The following TRAPPC11 variants were observed in gnomAD, a reference collection of about 807,000 sequenced individuals.
TRAPPC11 encodes the protein trafficking protein particle complex subunit 11, also known as foie gras homolog.
In TRAPPC11, 104 loss-of-function variants were observed where a neutral mutation model predicts 151.2. That is an observed-to-expected ratio of 0.69 (90% CI 0.59 to 0.81). TRAPPC11 has a LOEUF of 0.81. Ranked by LOEUF, TRAPPC11 falls within the 30% of genes least tolerant of loss-of-function variation. The pLI is 0.00. For synonymous variants in TRAPPC11, 456 were observed against 472.3 expected (o/e 0.97, Z 0.45); for missense variants, 1,230 against 1,349.6 (o/e 0.91, Z 1.39).
chr4:183,665,062 G>GC (rs1454469696), intron 2 of TRAPPC11, among the ~76,000 whole-genome samples: 3 of 150,488 alleles, frequency 2.0e-5, no homozygotes, highest in African/African-American at 7.3e-5. Context: ...CCCAGCCCTG[G>GC]CCCTCACACG....
rs575914736 is a variant in TRAPPC11 at position 183,665,125 on chromosome 4, C to T, written c.204+1054C>T. On this transcript the variant is annotated intron_variant, in intron 2 of 29. Coordinates refer to ENST00000334690, the MANE Select transcript of TRAPPC11 (RefSeq NM_021942.6). ...TTTTTTTTTTTTTGAGACGGAGTCT[C>T]GCTCTGTCCCCGAGGCTGGAGTGCT... Among the ~76,000 whole-genome samples the T allele has an allele frequency of 5.4e-4, 65 of 120,436 alleles. 2 individuals are homozygous for T. Among genetic ancestry groups the T allele is most frequent in the East Asian group, 2.7e-3 (11 of 4,046 alleles). 79.0% of individuals were successfully genotyped at this position (120,436 alleles called of 152,430 possible).
rs897094929 is a variant in TRAPPC11, at chr4:183,674,780, C to G, written c.628C>G (p.His210Asp). 6.3e-7 allele frequency: 1 copy of G among 1,594,702 alleles called. No individual in the cohort carries two copies. The highest frequency in any genetic ancestry group is 8.5e-7 in the Non-Finnish European group (1 of 1,172,980). Residue 210 changes from histidine (H) to aspartate (D), a missense_variant, in exon 6 of 30, where the codon CAT (histidine) becomes GAT (aspartate). Transcript: ENST00000334690. ...CACTGAGATCAGAAGAGTGAAATCT[C>G]ATAAAGAATTTTTGAATAAAACAAC... ...YYTEIRRVKS[H>D]KEFLNKTTHQ... is the part of the protein sequence containing the mutation.
intron 5 of TRAPPC11, among the ~76,000 whole-genome samples, chr4:183,670,702 T>G (rs1247807118): frequency 6.6e-6 from 1 of 152,168 alleles, no homozygotes; most frequent in African/African-American, 2.4e-5. Flanking sequence ...GCCTCCCAAG[T>G]TCAATCGATT....
chr4:183,708,740 T>C (rs1408258756), intron 29 of TRAPPC11, among the ~76,000 whole-genome samples, 166 bp downstream of exon 29: 1 of 152,380 alleles, frequency 6.6e-6, no homozygotes, highest in South Asian at 2.1e-4. Context: ...AGTTACTTTT[T>C]ATAGAATCTA....
At chr4:183,681,454 G>A (rs1348993150) in intron 10 of TRAPPC11, among the ~76,000 whole-genome samples, 1 of 152,110 alleles carries the variant, frequency 6.6e-6, no homozygotes, top group Admixed American at 6.5e-5. Context: ...AGAATGTAAG[G>A]AACTGGGCAT....
intron 29 of TRAPPC11, 118 bp downstream of exon 29, chr4:183,708,692 T>C: frequency 1.1e-6 from 1 of 883,018 alleles, no homozygotes; most frequent in East Asian, 2.7e-5. Context: ...TTTTGCCTTT[T>C]ATTATATGTA....
At chr4:183,707,974 CA>C (rs2111104664) in intron 28 of TRAPPC11, among the ~76,000 whole-genome samples, 1 of 151,554 alleles carries the variant, frequency 6.6e-6, no homozygotes, top group Admixed American at 6.6e-5. Flanking sequence ...ATCCTTAAAA[CA>C]AAACAAACTA....
chr4:183,694,691 G>A lies in TRAPPC11; in HGVS notation c.2596G>A (p.Glu866Lys). 1 of 1,608,192 alleles carries A rather than the reference G, an allele frequency of 6.2e-7. No individual in the cohort carries two copies. The highest frequency in any genetic ancestry group is 1.3e-5 in the African/African-American group (1 of 74,584). The change falls in exon 23 of 30, where the codon GAA becomes AAA. Residue 866 changes from glutamate (E) to lysine (K), a missense_variant. Transcript: ENST00000334690. The stretch of plus-strand genomic sequence containing the variant: ...TTCTTACCTGATAAATACAACCGTT[G>A]AAGAAAAAGAAATTGTTTGCAAGTG... ...YVSYLINTTVEEKEIVCKCHK... is the reference protein window; with the variant it reads ...YVSYLINTTVKEKEIVCKCHK...
intron 5 of TRAPPC11, among the ~76,000 whole-genome samples, chr4:183,672,271 G>A (rs1735191797): frequency 6.6e-6 from 1 of 152,130 alleles, no homozygotes; most frequent in Admixed American, 6.5e-5. Flanking sequence ...TTTGGACAGA[G>A]GAATGTCATA....
In TRAPPC11 at chr4:183,683,842, C is replaced by T. The variant is rs147779880; in HGVS notation, c.1208-133C>T. On this transcript the variant is annotated intron_variant, in intron 11 of 29. Transcript: ENST00000334690. ...ATAAAGCTGCCTCTTAGCACCTTTA[C>T]GATTCTAGAATGTTGAAGAGTCTGA... is the stretch of plus-strand genomic sequence containing the variant. 65 of 740,460 alleles carry T rather than the reference C, an allele frequency of 8.8e-5. 1 individual carries two copies. The highest frequency in any genetic ancestry group is 8.3e-4 in the African/African-American group (47 of 56,348). The allele number at this position is 740,460 out of a possible 1,614,324, so 45.9% of individuals were successfully genotyped here. A position where few individuals can be genotyped will look rare whatever the true frequency, so the allele number is the denominator to read the frequency against.
At position 183,697,806 on chromosome 4, in the gene TRAPPC11, T is replaced by C. The variant is rs1736616496; in HGVS notation, c.2822T>C (p.Val941Ala). 2 of 1,613,902 alleles carry C rather than the reference T, an allele frequency of 1.2e-6. No individual in the cohort carries two copies. Among genetic ancestry groups the C allele is most frequent in the East Asian group, 2.2e-5 (1 of 44,880 alleles). The change falls in exon 25 of 30, where the codon GTG becomes GCG. Residue 941 changes from valine (V) to alanine (A), a missense_variant. Val to Ala is a moderately conservative substitution (Grantham distance 64, BLOSUM62 0). Coordinates refer to ENST00000334690, the MANE Select transcript of TRAPPC11 (RefSeq NM_021942.6). ...ELQLAPSMTT[V>A]DQLESQVDNV... is the part of the protein sequence containing the mutation. ...CAGCTTGCTCCATCCATGACCACAG[T>C]GGACCAGCTCGAGTCTCAAGTGGAC...
chr4:183,666,013 A>G (rs1249920991), intron 2 of TRAPPC11, among the ~76,000 whole-genome samples: 1 of 142,692 alleles, frequency 7.0e-6, no homozygotes, highest in Non-Finnish European at 1.5e-5. Context: ...GCATTCAGTT[A>G]TGGGGCTGAT....
chr4:183,704,902 C>T (rs1285482113), intron 26 of TRAPPC11, 77 bp from the exon 27 acceptor site: 12 of 860,032 alleles, frequency 1.4e-5, no homozygotes, highest in Non-Finnish European at 2.0e-5. Flanking sequence ...TACATGTTTC[C>T]TGTTTTTGAT....
intron 18 of TRAPPC11, among the ~76,000 whole-genome samples, chr4:183,688,489 G>A (rs1389662317): frequency 6.6e-6 from 1 of 152,154 alleles, no homozygotes; most frequent in African/African-American, 2.4e-5. Context: ...AGCGGGGATA[G>A]GCTAGTAAAC....
intron 11 of TRAPPC11, among the ~76,000 whole-genome samples, chr4:183,683,516 G>T (rs1295390231): frequency 6.6e-6 from 1 of 151,934 alleles, no homozygotes; most frequent in Non-Finnish European, 1.5e-5. Flanking sequence ...ACAAAAATTA[G>T]CCACACATAG....
chr4:183,701,328 T>G (rs1736789014), intron 25 of TRAPPC11: 1 of 163,096 alleles, frequency 6.1e-6, no homozygotes, highest in Non-Finnish European at 1.3e-5. Flanking sequence ...AATTTTCTAT[T>G]TTCTTTTTCT....
chr4:183,661,530 C>G (rs1212164207), intron 1 of TRAPPC11, among the ~76,000 whole-genome samples: 1 of 151,018 alleles, frequency 6.6e-6, no homozygotes, highest in Non-Finnish European at 1.5e-5. Context: ...CACCACCATA[C>G]TCGGCTAATT....
chr4:183,682,797 A>T lies in TRAPPC11; in HGVS notation c.1179A>T (p.Gly393=). ...ETQTGVLDFY[G]QRSWRQGILS... Reference sequence around the variant, plus strand: ...AAACAGGCGTTCTTGACTTTTATGGACAAAGATCATGGCGACAAGGAATAC... The same window carrying T: ...AAACAGGCGTTCTTGACTTTTATGGTCAAAGATCATGGCGACAAGGAATAC... The change falls in exon 11 of 30, where the codon GGA becomes GGT. Residue 393 remains glycine (G), a synonymous_variant. Coordinates refer to ENST00000334690, the MANE Select transcript of TRAPPC11 (RefSeq NM_021942.6). 1 of 1,613,628 alleles carries T rather than the reference A, an allele frequency of 6.2e-7. No individual in the cohort carries two copies.
Position 183,664,040 on chromosome 4 carries a change from G to A in TRAPPC11, c.173G>A (p.Gly58Asp). ...RVPISFKVLP[G>D]DHEYPKCRPK... Reference sequence around the variant, plus strand: ...CCAATTTCTTTCAAGGTGCTCCCAGGTGACCATGAGTATCCCAAATGTAGA... The same window carrying A: ...CCAATTTCTTTCAAGGTGCTCCCAGATGACCATGAGTATCCCAAATGTAGA... Residue 58 changes from glycine (G) to aspartate (D), a missense_variant, in exon 2 of 30, where the codon GGT becomes GAT. By Grantham distance (94) the Gly-to-Asp change is moderately conservative. Coordinates refer to ENST00000334690, the MANE Select transcript of TRAPPC11 (RefSeq NM_021942.6). 4 of 1,613,510 alleles carry A rather than the reference G, an allele frequency of 2.5e-6. No homozygotes were observed. Among genetic ancestry groups the A allele is most frequent in the Non-Finnish European group, 3.4e-6 (4 of 1,180,004 alleles).
Sources: gnomAD v4.1 joint callset for allele counts (sites outside exome capture counted in the v4.1 genomes callset) on GRCh38, gnomAD v4.1.1 for gene constraint, MANE v1.5 for transcripts, NCBI Gene and HGNC (gene_info 2026-07-23, HGNC 2026-07-21) for gene names.